Variants in HERC5 observed in about 807,000 individuals in gnomAD.
HERC5 encodes the protein HECT and RLD domain containing E3 ubiquitin protein ligase 5, also known as E3 ISG15--protein ligase HERC5.
A neutral mutation model predicts 119.6 loss-of-function variants in HERC5; 99 were observed. The observed-to-expected ratio is 0.83, with a 90% confidence interval of 0.70 to 0.98. The LOEUF (loss-of-function observed/expected upper bound fraction) is 0.98, where lower values mean the gene tolerates loss of function less well. HERC5 is among the 50% of genes least tolerant of loss of function. The probability of loss-of-function intolerance (pLI) is 0.00; values close to 1 mark genes in which losing one functional copy is unlikely to be tolerated. For missense variants in HERC5, 1,267 were observed against 1,241.3 expected, an observed-to-expected ratio of 1.02 and a Z score of -0.31; for synonymous variants, 478 against 445.9, an observed-to-expected ratio of 1.07 and a Z score of -0.91.
At position 88,504,410 on chromosome 4, in the gene HERC5, GA is replaced by G. The variant is rs1458909809; in HGVS notation, c.2765del (p.Lys922ArgfsTer16). 6.3e-7 allele frequency: 1 copy of G among 1,598,368 alleles called. No individual in the cohort carries two copies. The highest frequency in any genetic ancestry group is 1.7e-5 in the Admixed American group (1 of 58,784). On this transcript the variant is annotated frameshift_variant, in exon 21 of 23. Coordinates refer to ENST00000264350, the MANE Select transcript of HERC5 (RefSeq NM_016323.4). LOFTEE classifies it high-confidence loss of function. ...GNTDYDWKTF[E>X]KNARYEPGYN... ...TACAGATTATGATTGGAAAACATTT[GA>G]AAAGGTACATCATCAAGTCTAAGTT... is the stretch of plus-strand genomic sequence containing the variant.
intron 11 of HERC5, among the ~76,000 whole-genome samples, chr4:88,475,481 G>A (rs1461290656): frequency 1.3e-5 from 2 of 151,898 alleles, no homozygotes; most frequent in Admixed American, 6.6e-5. Context: ...GTCACGCCCA[G>A]CTAATTTTCA....
intron 18 of HERC5, among the ~76,000 whole-genome samples, chr4:88,494,734 C>A (rs550770716): frequency 5.4e-4 from 82 of 152,320 alleles, no homozygotes; most frequent in African/African-American, 1.8e-3. Flanking sequence ...AAAGGGTTTT[C>A]ATATCCCTGC....
At position 88,470,620 on chromosome 4, in the gene HERC5, C is replaced by A. The variant is rs55990584; in HGVS notation, c.1245C>A (p.Ile415=). 4.0e-6 allele frequency: 6 copies of A among 1,504,584 alleles called. No homozygotes were observed. Among genetic ancestry groups the A allele is most frequent in the South Asian group, 1.1e-5 (1 of 87,454 alleles). The allele number at this position is 1,504,584 out of a possible 1,614,324, so 93.2% of individuals were successfully genotyped here. A position where few individuals can be genotyped will look rare whatever the true frequency, so the allele number is the denominator to read the frequency against. ...TGTCTTATTACTAATATAGGGAAAT[C>A]CAAGAGATATTTTCATCTCCTGCTT... ...TKRWQSTKRE[I]QEIFSSPACL... is the part of the protein sequence containing the mutation. The change falls in exon 10 of 23, where the codon ATC becomes ATA. Residue 415 remains isoleucine (I), a synonymous_variant. Coordinates refer to ENST00000264350, the MANE Select transcript of HERC5 (RefSeq NM_016323.4).
intron 1 of HERC5, chr4:88,457,952 G>C (rs1027055226): frequency 1.0e-6 from 1 of 998,408 alleles, no homozygotes; most frequent in Non-Finnish European, 1.2e-6. Flanking sequence ...TTTTACCTTG[G>C]CCTTCAGTTG....
intron 3 of HERC5, among the ~76,000 whole-genome samples, chr4:88,461,522 A>C (rs974338755): frequency 4.6e-5 from 7 of 152,208 alleles, no homozygotes; most frequent in African/African-American, 1.7e-4. Context: ...TATCTTGCAA[A>C]GAGATTCCAG....
At chr4:88,474,070 T>C (rs778678797) in intron 11 of HERC5, among the ~76,000 whole-genome samples, 54 of 152,350 alleles carry the variant, frequency 3.5e-4, no homozygotes, top group Non-Finnish European at 6.3e-4. Flanking sequence ...TGCTGGGCAC[T>C]GTAATGATGA....
chr4:88,486,495 G>T (rs1435519350), intron 14 of HERC5, among the ~76,000 whole-genome samples: 3 of 152,304 alleles, frequency 2.0e-5, no homozygotes, highest in Admixed American at 2.0e-4. Context: ...GTGGAGCTCT[G>T]ATACCCTTAA....
At chr4:88,504,004 T>C (rs889069164) in intron 20 of HERC5, among the ~76,000 whole-genome samples, 12 of 151,682 alleles carry the variant, frequency 7.9e-5, no homozygotes, top group Admixed American at 7.9e-4. Flanking sequence ...GAGGTGGAGG[T>C]TGCAATAAGC....
intron 11 of HERC5, among the ~76,000 whole-genome samples, chr4:88,474,683 C>G (rs1740996748): frequency 6.6e-6 from 1 of 152,128 alleles, no homozygotes; most frequent in Non-Finnish European, 1.5e-5. Flanking sequence ...GCTTTGGAGT[C>G]AGAAAGATCC....
At chr4:88,460,002 C>A in intron 2 of HERC5, 93 bp from the exon 3 acceptor site, 1 of 651,280 alleles carries the variant, frequency 1.5e-6, no homozygotes, top group Non-Finnish European at 2.6e-6. Context: ...TTTTCTTGAG[C>A]TTCATTTCTA....
intron 6 of HERC5, among the ~76,000 whole-genome samples, chr4:88,466,039 A>T (rs1740653175): frequency 6.6e-6 from 1 of 151,336 alleles, no homozygotes; most frequent in Admixed American, 6.6e-5. Context: ...ATCTAGTCAG[A>T]GGAGTTCACC....
rs1465841439 is a variant in HERC5 at position 88,504,605 on chromosome 4, T to G, written c.2869+8T>G. 2.0e-6 allele frequency: 3 copies of G among 1,485,816 alleles called. No homozygotes were observed. The highest frequency in any genetic ancestry group is 2.7e-6 in the Non-Finnish European group (3 of 1,100,618). 92.0% of individuals were successfully genotyped at this position (1,485,816 alleles called of 1,614,324 possible). The stretch of plus-strand genomic sequence containing the variant: ...AAAAGAAAAAATTCCTTGGTAAGTA[T>G]TATATCAAGGAATAGATCTGTAATC... On this transcript the variant is annotated splice_region_variant and intron_variant, in intron 22 of 22. Coordinates refer to ENST00000264350, the MANE Select transcript of HERC5 (RefSeq NM_016323.4).
rs575618342 is a variant in HERC5 at position 88,501,572 on chromosome 4, G to C, written c.2582+587G>C. On this transcript the variant is annotated intron_variant, in intron 20 of 22. Transcript: ENST00000264350. ...AGTGGCAAAGAGATCTCTAGGAAGCGTGCTGGCCTACATCACATCTTTTTC... is the reference window on the plus strand; with the variant it reads ...AGTGGCAAAGAGATCTCTAGGAAGCCTGCTGGCCTACATCACATCTTTTTC... 5.3e-5 allele frequency among the ~76,000 whole-genome samples: 8 copies of C among 152,208 alleles called. No homozygotes were observed. In the South Asian group the frequency reaches 1.7e-3, roughly 32 times the overall value.
chr4:88,494,066 T>A, intron 17 of HERC5, 99 bp from the exon 18 acceptor site: 1 of 761,396 alleles, frequency 1.3e-6, no homozygotes, highest in Non-Finnish European at 2.0e-6. Context: ...AATTTGAGAT[T>A]TGATTTTATG....
intron 13 of HERC5, among the ~76,000 whole-genome samples, chr4:88,480,711 G>C (rs1213478443): frequency 6.6e-6 from 1 of 152,098 alleles, no homozygotes; most frequent in Admixed American, 6.5e-5. Flanking sequence ...AAATATTTTT[G>C]ATAGGAAATG....
intron 15 of HERC5, among the ~76,000 whole-genome samples, chr4:88,487,848 A>G (rs1044840533): frequency 6.6e-6 from 1 of 152,242 alleles, no homozygotes; most frequent in East Asian, 1.9e-4. Flanking sequence ...ATTGCAATTT[A>G]ATAATGATTA....
intron 1 of HERC5, 123 bp downstream of exon 1, chr4:88,457,657 G>C (rs984021118): frequency 1.9e-6 from 2 of 1,060,162 alleles, no homozygotes; most frequent in African/African-American, 1.6e-5. Context: ...GCAGACGCGC[G>C]CCTGGCTCGG....
intron 13 of HERC5, among the ~76,000 whole-genome samples, chr4:88,485,602 G>A (rs910599720): frequency 2.6e-5 from 4 of 152,190 alleles, no homozygotes; most frequent in African/African-American, 9.6e-5. Context: ...AATGTCTGAA[G>A]TGTCTAGTGT....
chr4:88,457,378 C>T lies in HERC5; in HGVS notation c.109C>T (p.Pro37Ser). 7.1e-7 allele frequency: 1 copy of T among 1,417,764 alleles called. No individual in the cohort carries two copies. The allele number at this position is 1,417,764 out of a possible 1,614,324, so 87.8% of individuals were successfully genotyped here. The change falls in exon 1 of 23, where the codon CCC (proline) becomes TCC (serine). Residue 37 changes from proline to serine, a missense_variant. This residue lies in a region of HERC5 where 777 missense variants were observed against 758.0 expected (regional missense o/e 1.03). Coordinates refer to ENST00000264350, the MANE Select transcript of HERC5 (RefSeq NM_016323.4). ...KSPGAQLWLF[P>S]SAAGLHRALL... is the part of the protein sequence containing the mutation. The stretch of plus-strand genomic sequence containing the variant: ...TCCGGGCGCACAGCTCTGGCTCTTT[C>T]CCAGCGCCGCGGGCCTCCACCGCGC...
Sources: allele counts gnomAD v4.1 joint callset (sites outside exome capture counted in the v4.1 genomes callset), GRCh38; gene constraint gnomAD v4.1.1; regional missense constraint gnomAD v4.1.1; transcripts MANE v1.5; gene names NCBI Gene and HGNC (gene_info 2026-07-23, HGNC 2026-07-21).